Variants in METAP1D observed in about 807,000 individuals in gnomAD.
METAP1D encodes the protein methionyl aminopeptidase type 1D, mitochondrial.
A neutral mutation model predicts 40.5 loss-of-function variants in METAP1D; 31 were observed. That is an observed-to-expected ratio of 0.77 (90% confidence interval 0.58 to 1.03). The LOEUF (loss-of-function observed/expected upper bound fraction) is 1.03. Ranked by LOEUF, METAP1D falls within the 50% of genes least tolerant of loss-of-function variation. The probability of loss-of-function intolerance (pLI) is 0.00; values close to 1 mark genes in which losing one functional copy is unlikely to be tolerated. For synonymous variants in METAP1D, 151 were observed against 146.4 expected, an observed-to-expected ratio of 1.03 and a Z score of -0.22; for missense variants, 411 against 420.7, an observed-to-expected ratio of 0.98 and a Z score of 0.20.
intron 3 of METAP1D, 146 bp from the exon 4 acceptor site, chr2:172,065,458 T>A (rs1690250094): frequency 2.5e-6 from 2 of 795,960 alleles, no homozygotes; most frequent in Non-Finnish European, 3.9e-6. Flanking sequence ...CTAACACTAA[T>A]CATAATTAAT....
intron 4 of METAP1D, 25 bp from the exon 5 acceptor site, chr2:172,066,239 A>ATTTTTTTTTTTTTTTTTTTTTT: frequency 6.4e-7 from 1 of 1,570,262 alleles, no homozygotes; most frequent in African/African-American, 1.4e-5. Context: ...GTCTATCACC[A>ATTTTTTTTTTTTTTTTTTTTTT]TTTTTTTTTC....
intron 3 of METAP1D, chr2:172,064,268 C>G (rs1328840545): frequency 1.9e-5 from 3 of 158,928 alleles, no homozygotes; most frequent in Non-Finnish European, 4.1e-5. Context: ...TATTTTCTTG[C>G]ATTTGCCCTG....
At chr2:172,014,017 T>C (rs1443182944) in intron 1 of METAP1D, among the ~76,000 whole-genome samples, 1 of 151,886 alleles carries the variant, frequency 6.6e-6, no homozygotes, top group African/African-American at 2.4e-5. Flanking sequence ...GAGACGGGGT[T>C]TCACCATATT....
At chr2:172,017,666 A>G (rs557218080) in intron 1 of METAP1D, among the ~76,000 whole-genome samples, 152 of 152,256 alleles carry the variant, frequency 1.0e-3, no homozygotes, top group Non-Finnish European at 1.5e-3. Flanking sequence ...TGTCTTGCCC[A>G]GAATTTAATA....
chr2:172,048,023 C>T (rs920306418), intron 1 of METAP1D, among the ~76,000 whole-genome samples: 2 of 152,128 alleles, frequency 1.3e-5, no homozygotes, highest in African/African-American at 4.8e-5. Flanking sequence ...TTAGGCTGTC[C>T]GTAATTCATC....
chr2:172,010,475 CT>C (rs1460578397), intron 1 of METAP1D, among the ~76,000 whole-genome samples: 1 of 129,636 alleles, frequency 7.7e-6, no homozygotes, highest in African/African-American at 2.8e-5. Context: ...AACTTTTTTC[CT>C]TCTTTCCTTC....
At position 172,045,699 on chromosome 2, in the gene METAP1D, ATGTG is replaced by A. The variant is rs796722451; in HGVS notation, c.41-15769_41-15766del. 6.0e-3 allele frequency among the ~76,000 whole-genome samples: 491 copies of A among 82,236 alleles called. 10 individuals carry two copies. The highest frequency in any genetic ancestry group is 0.014 in the South Asian group (31 of 2,138). The allele number at this position is 82,236 out of a possible 152,430, so 54.0% of individuals were successfully genotyped here. ...AAAAAAAAAAGGATCATTCATATAT[ATGTG>A]TGTGTGTGTGTGTGTGTGTGTGTGT... On this transcript the variant is annotated intron_variant, in intron 1 of 9. Transcript: ENST00000315796.
At chr2:172,053,042 C>T (rs144172313) in intron 1 of METAP1D, among the ~76,000 whole-genome samples, 95 of 152,308 alleles carry the variant, frequency 6.2e-4, no homozygotes, top group African/African-American at 2.1e-3. Flanking sequence ...TTGAAACGTA[C>T]ACCTTAGTAC....
intron 1 of METAP1D, among the ~76,000 whole-genome samples, chr2:172,005,520 T>TTTTATATATATATATA (rs1267182910): frequency 9.0e-6 from 1 of 110,938 alleles, no homozygotes; most frequent in African/African-American, 3.2e-5. Context: ...TGTCTGTATT[T>TTTTATATATATATATA]TATATATATA....
intron 1 of METAP1D, among the ~76,000 whole-genome samples, chr2:172,016,880 C>T (rs1481174711): frequency 6.6e-6 from 1 of 151,864 alleles, no homozygotes; most frequent in Non-Finnish European, 1.5e-5. Flanking sequence ...ATATGCTATT[C>T]CTCGTGCTTG....
intron 1 of METAP1D, among the ~76,000 whole-genome samples, chr2:172,002,167 G>A (rs1222937908): frequency 1.3e-5 from 2 of 151,644 alleles, no homozygotes; most frequent in African/African-American, 4.9e-5. Flanking sequence ...TTCAGGTAAT[G>A]GTGAGAAGGA....
rs756115508 is a variant in METAP1D at position 172,065,696 on chromosome 2, T to C, written c.441T>C (p.Phe147=). Residue 147 remains phenylalanine, a synonymous_variant, in exon 4 of 10, where the codon TTT becomes TTC. Coordinates refer to ENST00000315796, the MANE Select transcript of METAP1D (RefSeq NM_199227.3). ...AYPSPLGYGG[F]PKSVCTSVNN... ...CCTCACCTCTAGGCTATGGAGGTTT[T>C]CCAAAATCTGTTTGTACCTCTGTAA... 19 of 1,613,934 alleles carry C rather than the reference T, an allele frequency of 1.2e-5. No individual in the cohort carries two copies. In the East Asian group the frequency reaches 3.8e-4, roughly 32 times the overall value.
At chr2:172,039,610 T>G (rs62183819) in intron 1 of METAP1D, among the ~76,000 whole-genome samples, 73,877 of 151,572 alleles carry the variant, frequency 0.49, 19,188 homozygotes, top group East Asian at 0.84. Context: ...GTTTTGGTAT[T>G]ATTGTTGATG....
Position 172,033,058 on chromosome 2 carries a change from CTAAATAAATAAA to C in METAP1D, c.41-28423_41-28412del, listed in dbSNP as rs571735409. The stretch of plus-strand genomic sequence containing the variant: ...TGGGCGACAGAGCAAGACTCCATCT[CTAAATAAATAAA>C]TAAATAAATAAATAAAAATAAAAAA... On this transcript the variant is annotated intron_variant, in intron 1 of 9. Coordinates refer to ENST00000315796, the MANE Select transcript of METAP1D (RefSeq NM_199227.3). Among the ~76,000 whole-genome samples the C allele has an allele frequency of 4.0e-5, 6 of 151,290 alleles. No individual in the cohort carries two copies. The South Asian group carries it at 6.3e-4, about 16-fold the overall frequency.
At chr2:172,002,806 AC>A (rs562589403) in intron 1 of METAP1D, among the ~76,000 whole-genome samples, 24 of 152,160 alleles carry the variant, frequency 1.6e-4, no homozygotes, top group Non-Finnish European at 2.9e-4. Flanking sequence ...GTCTTCATGT[AC>A]CAGGATTTAT....
intron 1 of METAP1D, among the ~76,000 whole-genome samples, chr2:172,040,825 C>A (rs570707636): frequency 9.6e-4 from 137 of 142,112 alleles, no homozygotes; most frequent in African/African-American, 3.2e-3. Context: ...CGGCTCACTG[C>A]AGCCTCTGCC....
chr2:172,080,520 G>C lies in METAP1D; in HGVS notation c.*114G>C, dbSNP rs1305379443. 5 of 1,118,876 alleles carry C rather than the reference G, an allele frequency of 4.5e-6. No individual in the cohort carries two copies. Among genetic ancestry groups the C allele is most frequent in the Non-Finnish European group, 6.6e-6 (5 of 755,812 alleles). The allele number at this position is 1,118,876 out of a possible 1,614,324, so 69.3% of individuals were successfully genotyped here. A position where few individuals can be genotyped will look rare whatever the true frequency, so the allele number is the denominator to read the frequency against. On this transcript the variant is annotated 3_prime_UTR_variant, in exon 10 of 10. Transcript: ENST00000315796. ...TGACCGGTGGTGCGGTAACCTGCGTGGCTCCTGATAGCGTTTGGAAGAACG... is the reference window on the plus strand; with the variant it reads ...TGACCGGTGGTGCGGTAACCTGCGTCGCTCCTGATAGCGTTTGGAAGAACG...
chr2:172,075,508 C>T (rs1260266744), intron 6 of METAP1D, among the ~76,000 whole-genome samples: 1 of 152,170 alleles, frequency 6.6e-6, no homozygotes, highest in African/African-American at 2.4e-5. Context: ...TCCAACTCCC[C>T]ATGCCACAGT....
At chr2:172,024,001 C>T (rs1388038180) in intron 1 of METAP1D, among the ~76,000 whole-genome samples, 1 of 151,942 alleles carries the variant, frequency 6.6e-6, no homozygotes, top group African/African-American at 2.4e-5. Flanking sequence ...ACTACAGGCG[C>T]CCGCCACCAT....
Sources: gnomAD v4.1 joint callset for allele counts (sites outside exome capture counted in the v4.1 genomes callset) on GRCh38, gnomAD v4.1.1 for gene constraint, MANE v1.5 for transcripts, NCBI Gene and HGNC (gene_info 2026-07-23, HGNC 2026-07-21) for gene names.